MRPL42: variants seen among roughly 807,000 people sequenced by gnomAD.
MRPL42 encodes the protein large ribosomal subunit protein mL42.
Under a neutral mutation model 17.9 loss-of-function variants are expected in MRPL42, and 17 were observed. That is an observed-to-expected ratio of 0.95 (90% CI 0.65 to 1.42). The LOEUF is 1.42. Ranked by LOEUF, MRPL42 falls within the 40% of genes most tolerant of loss-of-function variation. MRPL42 has a pLI of 0.00. For synonymous variants in MRPL42, 59 were observed against 54.4 expected (o/e 1.08, Z -0.37); for missense variants, 177 against 175.2 (o/e 1.01, Z -0.06).
Position 93,469,241 on chromosome 12 carries a change from C to T in MRPL42, c.-45C>T. The T allele has an allele frequency of 6.7e-7, 1 of 1,496,364 alleles. No homozygotes were observed. Among genetic ancestry groups the T allele is most frequent in the Non-Finnish European group, 9.2e-7 (1 of 1,091,706 alleles). The allele number at this position is 1,496,364 out of a possible 1,614,324, so 92.7% of individuals were successfully genotyped here. On this transcript the variant is annotated 5_prime_UTR_variant, in exon 2 of 6. Coordinates refer to ENST00000549982, the MANE Select transcript of MRPL42 (RefSeq NM_014050.4). Reference sequence around the variant, plus strand: ...GCAGATTCTAAAAGCAGTTTCTCTTCAGAACATCTTTTTTCATACCACTTG... The same window carrying T: ...GCAGATTCTAAAAGCAGTTTCTCTTTAGAACATCTTTTTTCATACCACTTG...
intron 5 of MRPL42, among the ~76,000 whole-genome samples, chr12:93,496,565 A>C (rs2121265706): frequency 6.6e-6 from 1 of 151,180 alleles, no homozygotes; most frequent in Non-Finnish European, 1.5e-5. Context: ...GGAAGAGTAA[A>C]AGTGCTGAAA....
At chr12:93,480,192 C>T (rs1417807209) in intron 4 of MRPL42, among the ~76,000 whole-genome samples, 2 of 152,052 alleles carry the variant, frequency 1.3e-5, no homozygotes, top group African/African-American at 4.8e-5. Flanking sequence ...CGTGATCCGG[C>T]TCACTGCAGC....
intron 2 of MRPL42, 52 bp downstream of exon 2, chr12:93,469,407 A>G: frequency 7.3e-7 from 1 of 1,362,354 alleles, no homozygotes; most frequent in Non-Finnish European, 1.0e-6. Context: ...TTAAGAATTA[A>G]GAAAATTTAA....
chr12:93,470,609 C>G (rs895323043), intron 2 of MRPL42: 2 of 1,150,174 alleles, frequency 1.7e-6, no homozygotes, highest in East Asian at 6.0e-5. Flanking sequence ...TCAACTCTTC[C>G]CTCCATCCCT....
chr12:93,477,061 A>C, intron 3 of MRPL42, 44 bp downstream of exon 3: 1 of 1,307,704 alleles, frequency 7.6e-7, no homozygotes, highest in Non-Finnish European at 1.1e-6. Context: ...TCTTAGCTAT[A>C]GCTGAAATGA....
rs117904501 is a variant in MRPL42, at chr12:93,499,919, A to C, written c.384-1257A>C. Reference sequence around the variant, plus strand: ...AACTGAATTTCCACATTAGCAAAAGATTGAAAACAAAAATTAACTTGTGAC... The same window carrying C: ...AACTGAATTTCCACATTAGCAAAAGCTTGAAAACAAAAATTAACTTGTGAC... On this transcript the variant is annotated intron_variant, in intron 5 of 5. Transcript: ENST00000549982. 9.9e-3 allele frequency among the ~76,000 whole-genome samples: 1,510 copies of C among 152,304 alleles called. 12 individuals are homozygous for C. The highest frequency in any genetic ancestry group is 0.017 in the Non-Finnish European group (1,174 of 68,016).
Position 93,509,915 on chromosome 12 carries a change from T to C in MRPL42, c.*8694T>C, listed in dbSNP as rs1953710952. 1 of 152,172 alleles carries C rather than the reference T, an allele frequency of 6.6e-6. No homozygotes were observed. The highest frequency in any genetic ancestry group is 6.6e-5 in the Admixed American group (1 of 15,266). The allele number at this position is 152,172 out of a possible 1,614,324, so 9.4% of individuals were successfully genotyped here. A position where few individuals can be genotyped will look rare whatever the true frequency, so the allele number is the denominator to read the frequency against. On this transcript the variant is annotated 3_prime_UTR_variant, in exon 6 of 6. Coordinates refer to ENST00000549982, the MANE Select transcript of MRPL42 (RefSeq NM_014050.4). ...CACCATCCCCCAGCAGAGTGGCACA[T>C]TGGTTACAATTGATAAACCTACACT... is the stretch of plus-strand genomic sequence containing the variant.
chr12:93,506,692 C>T lies in MRPL42; in HGVS notation c.*5471C>T, dbSNP rs971992050. ...CCCTCATTCCTGATTGACAAAGTAT[C>T]TTGCTATGACCATCCCTTCTTTCCC... On this transcript the variant is annotated 3_prime_UTR_variant, in exon 6 of 6. Coordinates refer to ENST00000549982, the MANE Select transcript of MRPL42 (RefSeq NM_014050.4). The T allele has an allele frequency of 1.3e-5, 2 of 152,338 alleles. No homozygotes were observed. Among genetic ancestry groups the T allele is most frequent in the Admixed American group, 1.3e-4 (2 of 15,300 alleles). 9.4% of individuals were successfully genotyped at this position (152,338 alleles called of 1,614,324 possible).
intron 5 of MRPL42, among the ~76,000 whole-genome samples, chr12:93,492,092 G>A (rs1953426597): frequency 6.6e-6 from 1 of 152,152 alleles, no homozygotes; most frequent in South Asian, 2.1e-4. Context: ...AATTACATGT[G>A]TCTTTTTGGT....
chr12:93,495,579 T>C (rs1243452011), intron 5 of MRPL42, among the ~76,000 whole-genome samples: 1 of 152,200 alleles, frequency 6.6e-6, no homozygotes, highest in Non-Finnish European at 1.5e-5. Flanking sequence ...GATAATCTAA[T>C]CAACGATACT....
At chr12:93,487,444 T>C (rs1953319465) in intron 4 of MRPL42, 53 bp from the exon 5 acceptor site, 2 of 1,506,268 alleles carry the variant, frequency 1.3e-6, no homozygotes, top group South Asian at 2.4e-5. Context: ...CTCAAACAAA[T>C]GCTGGCTAAC....
chr12:93,477,101 A>G, intron 3 of MRPL42, 84 bp downstream of exon 3: 2 of 1,003,004 alleles, frequency 2.0e-6, no homozygotes, highest in Non-Finnish European at 3.0e-6. Flanking sequence ...TTGATGTCTG[A>G]TGCTTTCTTT....
chr12:93,488,052 C>T (rs1411433620), intron 5 of MRPL42, among the ~76,000 whole-genome samples: 2 of 152,038 alleles, frequency 1.3e-5, no homozygotes, highest in Non-Finnish European at 2.9e-5. Flanking sequence ...TTCACTGCAA[C>T]CTCCACCTCC....
At chr12:93,494,892 C>A (rs74490222) in intron 5 of MRPL42, among the ~76,000 whole-genome samples, 2 of 151,546 alleles carry the variant, frequency 1.3e-5, no homozygotes, top group African/African-American at 4.9e-5. Context: ...TTACTAAGGT[C>A]GAATTAATGA....
At chr12:93,475,897 C>T (rs561063408) in intron 2 of MRPL42, among the ~76,000 whole-genome samples, 4 of 152,036 alleles carry the variant, frequency 2.6e-5, no homozygotes, top group East Asian at 2.0e-4. Flanking sequence ...AGGAGAATGG[C>T]GTGAACCTGG....
chr12:93,480,013 T>C (rs1033811927), intron 4 of MRPL42, among the ~76,000 whole-genome samples: 1 of 152,094 alleles, frequency 6.6e-6, no homozygotes, highest in African/African-American at 2.4e-5. Context: ...AAGAGGATTT[T>C]GTATTGTTTT....
Position 93,503,881 on chromosome 12 carries a change from T to C in MRPL42, c.*2660T>C, listed in dbSNP as rs925623115. ...TATAATCTGGCTTGTCATAATTTAA[T>C]TAACTCCCTGCTGTTAGACAAAATC... On this transcript the variant is annotated 3_prime_UTR_variant, in exon 6 of 6. Coordinates refer to ENST00000549982, the MANE Select transcript of MRPL42 (RefSeq NM_014050.4). 3 of 152,162 alleles carry C rather than the reference T, an allele frequency of 2.0e-5. No individual in the cohort carries two copies. Among genetic ancestry groups the C allele is most frequent in the African/African-American group, 7.2e-5 (3 of 41,448 alleles). The allele number at this position is 152,162 out of a possible 1,614,324, so 9.4% of individuals were successfully genotyped here.
chr12:93,485,009 T>C (rs56361616), intron 4 of MRPL42, among the ~76,000 whole-genome samples: 5,771 of 54,342 alleles, frequency 0.11, 2,112 homozygotes, highest in Non-Finnish European at 0.19. Flanking sequence ...TATATATATA[T>C]ATATATATAT....
rs139576566 is a variant in MRPL42 at position 93,512,495 on chromosome 12, C to G, written c.*11274C>G. The G allele has an allele frequency of 2.5e-3, 384 of 152,542 alleles. 2 individuals are homozygous for G. The highest frequency in any genetic ancestry group is 3.9e-3 in the Non-Finnish European group (267 of 68,014). The allele number at this position is 152,542 out of a possible 1,614,324, so 9.4% of individuals were successfully genotyped here. The stretch of plus-strand genomic sequence containing the variant: ...TGAAATAAAGATATAAATTGGCCAG[C>G]TAGAGTTACCTGAAGTTACTATCTT... On this transcript the variant is annotated 3_prime_UTR_variant, in exon 6 of 6. Coordinates refer to ENST00000549982, the MANE Select transcript of MRPL42 (RefSeq NM_014050.4).
Sources: allele counts gnomAD v4.1 joint callset (sites outside exome capture counted in the v4.1 genomes callset), GRCh38; gene constraint gnomAD v4.1.1; transcripts MANE v1.5; gene names NCBI Gene and HGNC (gene_info 2026-07-23, HGNC 2026-07-21).